The following PLCH1 variants were observed in gnomAD, a reference collection of about 807,000 sequenced individuals.
The protein encoded by PLCH1 is phospholipase C eta 1, also known as 1-phosphatidylinositol 4,5-bisphosphate phosphodiesterase eta-1.
A neutral mutation model predicts 126.7 loss-of-function variants in PLCH1; 60 were observed. That is an observed-to-expected ratio of 0.47 (90% confidence interval 0.38 to 0.59). The LOEUF (loss-of-function observed/expected upper bound fraction) is 0.59, where lower values mean the gene tolerates loss of function less well. Among genes scored for constraint, PLCH1 ranks in the 20% least tolerant of loss-of-function variants. PLCH1 has a pLI of 0.00. For missense variants in PLCH1, 1,723 were observed against 2,040.0 expected, an observed-to-expected ratio of 0.84 and a Z score of 2.99; for synonymous variants, 719 against 734.9, an observed-to-expected ratio of 0.98 and a Z score of 0.35.
intron 10 of PLCH1, among the ~76,000 whole-genome samples, chr3:155,537,196 A>AC (rs1723489809): frequency 1.6e-4 from 3 of 18,690 alleles, no homozygotes; most frequent in South Asian, 2.4e-3. Context: ...CAAAAAAAAA[A>AC]AAAACCAAAA....
intron 8 of PLCH1, among the ~76,000 whole-genome samples, chr3:155,558,698 C>G (rs1372437018): frequency 6.6e-6 from 1 of 152,128 alleles, no homozygotes; most frequent in Non-Finnish European, 1.5e-5. Context: ...CATCACACTA[C>G]TTAGAATGGT....
At chr3:155,525,487 G>A (rs920494865) in intron 10 of PLCH1, among the ~76,000 whole-genome samples, 1 of 152,142 alleles carries the variant, frequency 6.6e-6, no homozygotes, top group Admixed American at 6.6e-5. Flanking sequence ...GAATTCTGTT[G>A]TTTACAAGTT....
At chr3:155,509,450 G>T (rs201060979) in intron 12 of PLCH1, among the ~76,000 whole-genome samples, 2,727 of 31,934 alleles carry the variant, frequency 0.085, 217 homozygotes, top group East Asian at 0.23. Flanking sequence ...TGATGTTAGG[G>T]TGTCAATTTT....
chr3:155,622,302 A>G (rs1736620005), intron 2 of PLCH1, among the ~76,000 whole-genome samples: 1 of 152,240 alleles, frequency 6.6e-6, no homozygotes, highest in Non-Finnish European at 1.5e-5. Context: ...AGCCACTGCA[A>G]AAACATACCA....
At chr3:155,497,121 G>A (rs1191947904) in intron 15 of PLCH1, among the ~76,000 whole-genome samples, 199 bp downstream of exon 15, 2 of 152,100 alleles carry the variant, frequency 1.3e-5, no homozygotes, top group Non-Finnish European at 2.9e-5. Context: ...TGGTCAATCA[G>A]GCAACCACAG....
chr3:155,462,877 C>T (rs1712780487), intron 21 of PLCH1, among the ~76,000 whole-genome samples: 1 of 152,190 alleles, frequency 6.6e-6, no homozygotes, highest in South Asian at 2.1e-4. Context: ...CAGTGGATGC[C>T]TGGAGGGATT....
chr3:155,522,445 T>C (rs564281600), intron 11 of PLCH1, among the ~76,000 whole-genome samples: 53 of 152,322 alleles, frequency 3.5e-4, no homozygotes, highest in Middle Eastern at 6.8e-3. Flanking sequence ...AAGAGAAGAA[T>C]ACAGATAGTA....
At chr3:155,645,499 C>A (rs908496818) in intron 2 of PLCH1, among the ~76,000 whole-genome samples, 1 of 152,120 alleles carries the variant, frequency 6.6e-6, no homozygotes, top group Non-Finnish European at 1.5e-5. Context: ...TTGTTTGGGA[C>A]AGGGTCTTGC....
intron 2 of PLCH1, among the ~76,000 whole-genome samples, chr3:155,703,497 T>A (rs982658640): frequency 2.6e-5 from 4 of 152,210 alleles, no homozygotes. Context: ...AACAAACAGA[T>A]ACCAGCAGGG....
At chr3:155,716,427 T>A (rs942360385) in intron 1 of PLCH1, among the ~76,000 whole-genome samples, 2 of 152,310 alleles carry the variant, frequency 1.3e-5, no homozygotes, top group African/African-American at 4.8e-5. Flanking sequence ...ACTGGCTAAT[T>A]TATAAGAAAA....
chr3:155,725,451 C>CTTT (rs34876965), intron 1 of PLCH1, among the ~76,000 whole-genome samples: 17,490 of 140,206 alleles, frequency 0.12, 1,622 homozygotes, highest in East Asian at 0.37. Context: ...ATTTTAGACA[C>CTTT]TTTTTTTTTT....
chr3:155,640,028 C>A (rs1192505450), intron 2 of PLCH1, among the ~76,000 whole-genome samples: 1 of 152,218 alleles, frequency 6.6e-6, no homozygotes, highest in Non-Finnish European at 1.5e-5. Context: ...TTCTGTACAG[C>A]CTGCAGAACT....
chr3:155,515,611 A>G (rs897061505), intron 11 of PLCH1, among the ~76,000 whole-genome samples: 2 of 152,260 alleles, frequency 1.3e-5, no homozygotes, highest in Admixed American at 6.5e-5. Flanking sequence ...GATGACTCAC[A>G]GAATTTTGAG....
intron 2 of PLCH1, among the ~76,000 whole-genome samples, chr3:155,645,279 G>A (rs969977846): frequency 7.9e-5 from 12 of 152,066 alleles, no homozygotes; most frequent in Admixed American, 3.3e-4. Context: ...GCACAATCAC[G>A]GCACACTGCA....
At chr3:155,648,262 A>G (rs1559892379) in intron 2 of PLCH1, among the ~76,000 whole-genome samples, 1 of 152,198 alleles carries the variant, frequency 6.6e-6, no homozygotes, top group Non-Finnish European at 1.5e-5. Flanking sequence ...ATCCTCTTAC[A>G]TTCATCAAAT....
intron 2 of PLCH1, chr3:155,675,957 A>C (rs1207110326): frequency 9.8e-7 from 1 of 1,017,126 alleles, no homozygotes. Context: ...TTTTACTAGG[A>C]CTATTACACT....
intron 3 of PLCH1, among the ~76,000 whole-genome samples, chr3:155,595,558 C>G (rs1732877061): frequency 6.6e-6 from 1 of 152,116 alleles, no homozygotes. Flanking sequence ...TGGAATTATA[C>G]CATCATCTCC....
chr3:155,725,911 T>G (rs1748284760), intron 1 of PLCH1, among the ~76,000 whole-genome samples: 2 of 152,218 alleles, frequency 1.3e-5, no homozygotes, highest in Non-Finnish European at 2.9e-5. Flanking sequence ...CTTGATTTCC[T>G]TGAGGTTATT....
intron 21 of PLCH1, among the ~76,000 whole-genome samples, chr3:155,466,687 C>T (rs1056899778): frequency 6.6e-6 from 1 of 152,112 alleles, no homozygotes; most frequent in African/African-American, 2.4e-5. Flanking sequence ...AGATATGTGA[C>T]CTGTCAGACA....
Sources: allele counts gnomAD v4.1 joint callset (sites outside exome capture counted in the v4.1 genomes callset), GRCh38; gene constraint gnomAD v4.1.1; transcripts MANE v1.5; gene names NCBI Gene and HGNC (gene_info 2026-07-23, HGNC 2026-07-21).